The following IL1RAPL2 variants were observed in gnomAD, a reference collection of about 807,000 sequenced individuals.
IL1RAPL2 encodes X-linked interleukin-1 receptor accessory protein-like 2.
Under a neutral mutation model 44.1 loss-of-function variants are expected in IL1RAPL2, and 3 were observed. The ratio of observed to expected loss-of-function variants is 0.07; its 90% CI spans 0.03 to 0.18. IL1RAPL2 has a LOEUF of 0.18. Ranked by LOEUF, IL1RAPL2 falls within the 10% of genes least tolerant of loss-of-function variation. The pLI, the probability that IL1RAPL2 is intolerant of heterozygous loss-of-function variation, is 1.00. For missense variants in IL1RAPL2, 391 were observed against 496.4 expected, an observed-to-expected ratio of 0.79 and a Z score of 2.02; for synonymous variants, 181 against 178.8, an observed-to-expected ratio of 1.01 and a Z score of -0.10.
chrX:105,395,639 A>G (rs908706820), intron 5 of IL1RAPL2, among the ~76,000 whole-genome samples: 1 of 111,258 alleles, frequency 9.0e-6, no homozygotes, highest in Non-Finnish European at 1.9e-5. Context: ...GTGGTTTGAA[A>G]AAAATCTCAG....
At chrX:104,947,896 G>A (rs755338673) in intron 2 of IL1RAPL2, among the ~76,000 whole-genome samples, 2 of 112,028 alleles carry the variant, frequency 1.8e-5, no homozygotes, top group South Asian at 3.7e-4. Context: ...ACTTGGTGAT[G>A]TGGGCTCTTT....
rs187918576 is a variant in IL1RAPL2, at chrX:104,927,933, C to T, written c.83-267542C>T. Among the ~76,000 whole-genome samples the T allele has an allele frequency of 5.9e-3, 664 of 112,193 alleles. 4 individuals are homozygous for T. The highest frequency in any genetic ancestry group is 0.014 in the Middle Eastern group (3 of 216). ...TTGATGGAAACAGATGCTAGCATTC[C>T]CATCACAAGGTGTATCTCCAGTGTA... On this transcript the variant is annotated intron_variant, in intron 2 of 10. Transcript: ENST00000372582.
intron 10 of IL1RAPL2, among the ~76,000 whole-genome samples, chrX:105,762,302 A>G (rs1013632141): frequency 9.8e-5 from 11 of 111,703 alleles, no homozygotes; most frequent in African/African-American, 3.6e-4. Context: ...GGCTTTAGGT[A>G]GCAACTTTCT....
chrX:104,846,638 A>G (rs755197424), intron 2 of IL1RAPL2, among the ~76,000 whole-genome samples: 37 of 111,923 alleles, frequency 3.3e-4, no homozygotes, highest in Non-Finnish European at 3.9e-4. Flanking sequence ...GCTATTGTGA[A>G]TGGTGCCTCA....
chrX:105,687,253 A>C (rs1372712098), intron 6 of IL1RAPL2, among the ~76,000 whole-genome samples: 1 of 82,129 alleles, frequency 1.2e-5, no homozygotes, highest in Non-Finnish European at 3.1e-5. Flanking sequence ...TAGAGACACA[A>C]AAAAAAAACC....
intron 2 of IL1RAPL2, among the ~76,000 whole-genome samples, chrX:104,971,330 A>C (rs2030231478): frequency 9.0e-6 from 1 of 111,674 alleles, no homozygotes; most frequent in African/African-American, 3.3e-5. Context: ...CCTGGGTGAC[A>C]GAGCGAGACT....
Position 105,060,570 on chromosome X carries a change from ATTCTTT to A in IL1RAPL2, c.83-134890_83-134885del, listed in dbSNP as rs1212550730. 2.9e-4 allele frequency among the ~76,000 whole-genome samples: 19 copies of A among 64,618 alleles called. No homozygotes were observed. The East Asian group carries it at 4.4e-3, about 15-fold the overall frequency. The allele number at this position is 64,618 out of a possible 115,157, so 56.1% of individuals were successfully genotyped here. A position where few individuals can be genotyped will look rare whatever the true frequency, so the allele number is the denominator to read the frequency against. ...ATTGGCCTGTACTTTTCTTTTTTCT[ATTCTTT>A]TTCTTTTTCTTTTTTTTTTTTTTTT... is the stretch of plus-strand genomic sequence containing the variant. On this transcript the variant is annotated intron_variant, in intron 2 of 10. Transcript: ENST00000372582.
chrX:104,673,164 T>C (rs1241478346), intron 2 of IL1RAPL2, among the ~76,000 whole-genome samples: 1 of 111,838 alleles, frequency 8.9e-6, no homozygotes, highest in East Asian at 2.8e-4. Context: ...AGACATGAAG[T>C]CCTTGCCCAT....
intron 6 of IL1RAPL2, among the ~76,000 whole-genome samples, chrX:105,700,603 T>C (rs772978370): frequency 9.0e-6 from 1 of 111,478 alleles, no homozygotes; most frequent in Admixed American, 9.5e-5. Flanking sequence ...CATCCTAGGT[T>C]GTGAAACCAA....
At chrX:105,385,950 A>G (rs2035473738) in intron 5 of IL1RAPL2, among the ~76,000 whole-genome samples, 2 of 111,520 alleles carry the variant, frequency 1.8e-5, no homozygotes, top group Non-Finnish European at 3.8e-5. Context: ...TTCCAGTAAT[A>G]TTATTATTGA....
At chrX:104,814,708 T>C (rs1352606822) in intron 2 of IL1RAPL2, among the ~76,000 whole-genome samples, 1 of 112,336 alleles carries the variant, frequency 8.9e-6, no homozygotes, top group Non-Finnish European at 1.9e-5. Context: ...GGCATGGATT[T>C]AGATGAAACA....
intron 6 of IL1RAPL2, among the ~76,000 whole-genome samples, chrX:105,647,883 C>T (rs983534987): frequency 9.0e-6 from 1 of 111,448 alleles, no homozygotes; most frequent in Admixed American, 9.6e-5. Flanking sequence ...ATGACATCTG[C>T]TTGTTAGTGG....
At chrX:104,779,049 A>G (rs1033243667) in intron 2 of IL1RAPL2, among the ~76,000 whole-genome samples, 1 of 111,847 alleles carries the variant, frequency 8.9e-6, no homozygotes, top group Admixed American at 9.6e-5. Context: ...CAAACCACTT[A>G]TCTTCTAATT....
At chrX:105,697,410 G>A (rs1029305371) in intron 6 of IL1RAPL2, among the ~76,000 whole-genome samples, 1 of 111,232 alleles carries the variant, frequency 9.0e-6, no homozygotes, top group East Asian at 2.8e-4. Flanking sequence ...GTGGGAGAAA[G>A]AATAATGAGA....
At chrX:105,689,343 C>T (rs764965398) in intron 6 of IL1RAPL2, among the ~76,000 whole-genome samples, 1 of 111,717 alleles carries the variant, frequency 9.0e-6, no homozygotes, top group Non-Finnish European at 1.9e-5. Context: ...GGCTAATATC[C>T]AGAATCTACA....
At chrX:104,854,857 T>G (rs1157988431) in intron 2 of IL1RAPL2, among the ~76,000 whole-genome samples, 1 of 111,576 alleles carries the variant, frequency 9.0e-6, no homozygotes, top group Non-Finnish European at 1.9e-5. Context: ...AAAACTAATT[T>G]TCTGACCTGG....
chrX:105,369,004 G>A (rs1211860521), intron 5 of IL1RAPL2, among the ~76,000 whole-genome samples: 1 of 108,577 alleles, frequency 9.2e-6, no homozygotes, highest in Non-Finnish European at 1.9e-5. Flanking sequence ...ATATTCTTTT[G>A]CTCAATTATT....
At chrX:105,070,580 G>A (rs2032193515) in intron 2 of IL1RAPL2, among the ~76,000 whole-genome samples, 1 of 110,130 alleles carries the variant, frequency 9.1e-6, no homozygotes, top group African/African-American at 3.3e-5. Flanking sequence ...TGTAATCCCA[G>A]CTACTCGGGA....
chrX:105,033,088 C>A (rs2031543285), intron 2 of IL1RAPL2, among the ~76,000 whole-genome samples: 1 of 111,524 alleles, frequency 9.0e-6, no homozygotes, highest in Non-Finnish European at 1.9e-5. Flanking sequence ...AGATCTTCCT[C>A]TATCCCTTTA....
Sources: allele counts gnomAD v4.1 joint callset (sites outside exome capture counted in the v4.1 genomes callset), GRCh38; gene constraint gnomAD v4.1.1; transcripts MANE v1.5; gene names NCBI Gene and HGNC (gene_info 2026-07-23, HGNC 2026-07-21).